The following ZDHHC15 variants were observed in gnomAD, a reference collection of about 807,000 sequenced individuals.
ZDHHC15 encodes zDHHC palmitoyltransferase 15, also known as palmitoyltransferase ZDHHC15.
In ZDHHC15, 19 loss-of-function variants were observed where a neutral mutation model predicts 31.7. That is an observed-to-expected ratio of 0.60 (90% CI 0.42 to 0.88). The LOEUF is 0.88. ZDHHC15 is among the 40% of genes least tolerant of loss of function. ZDHHC15 has a pLI of 0.00. For synonymous variants in ZDHHC15, 103 were observed against 90.0 expected (o/e 1.14, Z -0.82); for missense variants, 209 against 251.2 (o/e 0.83, Z 1.14).
At chrX:75,437,477 C>T (rs1208212381) in intron 4 of ZDHHC15, among the ~76,000 whole-genome samples, 2 of 79,300 alleles carry the variant, frequency 2.5e-5, no homozygotes, top group African/African-American at 9.4e-5. Context: ...TGATGTTCCC[C>T]TTCCTGTGTC....
chrX:75,424,886 G>T, intron 7 of ZDHHC15, 102 bp from the exon 8 acceptor site: 1 of 882,543 alleles, frequency 1.1e-6, no homozygotes, highest in East Asian at 3.8e-5. Flanking sequence ...AAAGTGTCTA[G>T]CTGTAATTTA....
At chrX:75,459,255 T>C (rs1281507049) in intron 3 of ZDHHC15, among the ~76,000 whole-genome samples, 1 of 110,795 alleles carries the variant, frequency 9.0e-6, no homozygotes, top group East Asian at 2.9e-4. Context: ...GGAGATCCAT[T>C]TGTACATACA....
chrX:75,512,986 A>G (rs2085297679), intron 1 of ZDHHC15, among the ~76,000 whole-genome samples: 1 of 96,683 alleles, frequency 1.0e-5, no homozygotes, highest in Non-Finnish European at 2.1e-5. Flanking sequence ...ATAACACCAC[A>G]TATCTACAAC....
At chrX:75,442,814 G>A (rs1291797101) in intron 4 of ZDHHC15, among the ~76,000 whole-genome samples, 13 of 107,195 alleles carry the variant, frequency 1.2e-4, no homozygotes, top group Middle Eastern at 4.8e-3. Flanking sequence ...GTGAAACCCC[G>A]TCTCTACTAA....
chrX:75,481,481 C>A (rs951789241), intron 2 of ZDHHC15, among the ~76,000 whole-genome samples: 1 of 111,926 alleles, frequency 8.9e-6, no homozygotes, highest in East Asian at 2.8e-4. Flanking sequence ...CAGCTGGCTC[C>A]CATTCCTACA....
intron 10 of ZDHHC15, among the ~76,000 whole-genome samples, chrX:75,397,006 G>A (rs1009756919): frequency 6.3e-5 from 7 of 110,868 alleles, no homozygotes; most frequent in African/African-American, 2.3e-4. Flanking sequence ...GTGTTTGGGG[G>A]TCGGGGAAGT....
intron 10 of ZDHHC15, among the ~76,000 whole-genome samples, chrX:75,394,462 A>C (rs952077618): frequency 9.0e-6 from 1 of 110,622 alleles, no homozygotes; most frequent in Non-Finnish European, 1.9e-5. Flanking sequence ...CCGATGATCT[A>C]TTACCTACAA....
At chrX:75,481,834 A>T (rs1277943532) in intron 2 of ZDHHC15, among the ~76,000 whole-genome samples, 1 of 112,083 alleles carries the variant, frequency 8.9e-6, no homozygotes, top group Non-Finnish European at 1.9e-5. Context: ...CCACCCATAA[A>T]GGTTATTAAG....
intron 7 of ZDHHC15, among the ~76,000 whole-genome samples, chrX:75,428,680 A>G (rs2037194999): frequency 8.9e-6 from 1 of 112,192 alleles, no homozygotes; most frequent in African/African-American, 3.2e-5. Context: ...ATTTTCTAAC[A>G]ACAGGGGAGT....
At chrX:75,428,898 A>G (rs1337108643) in intron 7 of ZDHHC15, among the ~76,000 whole-genome samples, 180 bp downstream of exon 7, 1 of 111,813 alleles carries the variant, frequency 8.9e-6, no homozygotes, top group African/African-American at 3.2e-5. Context: ...ATCTTTAAAT[A>G]ACAGCTTCCG....
intron 4 of ZDHHC15, among the ~76,000 whole-genome samples, chrX:75,434,499 T>C (rs1260573310): frequency 8.9e-6 from 1 of 112,260 alleles, no homozygotes; most frequent in Non-Finnish European, 1.9e-5. Flanking sequence ...CCAACTTGAG[T>C]TCAGTAGATT....
chrX:75,491,628 TAATAA>T (rs1223659731), intron 2 of ZDHHC15, among the ~76,000 whole-genome samples: 1 of 109,783 alleles, frequency 9.1e-6, no homozygotes, highest in Non-Finnish European at 1.9e-5. Context: ...AGTATAATAA[TAATAA>T]AATAAAAGAA....
chrX:75,416,535 G>A (rs1350727106), intron 10 of ZDHHC15, among the ~76,000 whole-genome samples: 1 of 112,106 alleles, frequency 8.9e-6, no homozygotes, highest in Non-Finnish European at 1.9e-5. Flanking sequence ...TTTACAAAAT[G>A]CCTTAGGATG....
intron 7 of ZDHHC15, 66 bp from the exon 8 acceptor site, chrX:75,424,850 T>C (rs1310533138): frequency 5.7e-6 from 6 of 1,061,659 alleles, no homozygotes; most frequent in Non-Finnish European, 7.4e-6. Context: ...TTTCTAAATA[T>C]ATAGGTTAGT....
At chrX:75,480,605 C>T (rs757430166) in intron 2 of ZDHHC15, among the ~76,000 whole-genome samples, 1 of 111,018 alleles carries the variant, frequency 9.0e-6, no homozygotes, top group Non-Finnish European at 1.9e-5. Context: ...GTTGTGTATC[C>T]TTTATGATTT....
chrX:75,381,523 T>C (rs777343285), intron 10 of ZDHHC15, among the ~76,000 whole-genome samples: 11 of 111,736 alleles, frequency 9.8e-5, no homozygotes, highest in Non-Finnish European at 3.8e-5. Flanking sequence ...AGTTCTTGTC[T>C]CTCCAAATTT....
At chrX:75,480,640 G>A (rs1176362210) in intron 2 of ZDHHC15, among the ~76,000 whole-genome samples, 1 of 110,600 alleles carries the variant, frequency 9.0e-6, no homozygotes, top group African/African-American at 3.3e-5. Flanking sequence ...CACCCAAATA[G>A]TGTGTTTTTC....
rs2083752405 is a variant in ZDHHC15, at chrX:75,429,468, G to T, written c.483-270C>A. 1.8e-5 allele frequency among the ~76,000 whole-genome samples: 2 copies of T among 111,599 alleles called. 1 individual carries two copies. Among genetic ancestry groups the T allele is most frequent in the African/African-American group, 6.5e-5 (2 of 30,703 alleles). The stretch of plus-strand genomic sequence containing the variant: ...TTCGTGACACATCCAAGCAAACCTG[G>T]ATCCTGGTTGCTAAAAATGTATTAC... On this transcript the variant is annotated intron_variant, in intron 6 of 11. Transcript: ENST00000373367.
intron 4 of ZDHHC15, among the ~76,000 whole-genome samples, chrX:75,448,953 T>G (rs1245907813): frequency 9.0e-6 from 1 of 110,891 alleles, no homozygotes; most frequent in Non-Finnish European, 1.9e-5. Flanking sequence ...TTTGAGGACC[T>G]GAACAGAACA....
Sources: allele counts gnomAD v4.1 joint callset (sites outside exome capture counted in the v4.1 genomes callset), GRCh38; gene constraint gnomAD v4.1.1; transcripts MANE v1.5; gene names NCBI Gene and HGNC (gene_info 2026-07-23, HGNC 2026-07-21).